COL6A1: variants seen among roughly 807,000 people sequenced by gnomAD.
COL6A1 encodes collagen alpha-1(VI) chain.
In COL6A1, 80 loss-of-function variants were observed where a neutral mutation model predicts 145.6. The ratio of observed to expected loss-of-function variants is 0.55; its 90% CI spans 0.46 to 0.66. The LOEUF (loss-of-function observed/expected upper bound fraction) is 0.66, where lower values mean the gene tolerates loss of function less well. COL6A1 is among the 30% of genes least tolerant of loss of function. The probability of loss-of-function intolerance (pLI) is 0.00; values close to 1 mark genes in which losing one functional copy is unlikely to be tolerated. For synonymous variants in COL6A1, 638 were observed against 622.8 expected (o/e 1.02, Z -0.36); for missense variants, 1,364 against 1,473.8 (o/e 0.93, Z 1.22).
In COL6A1 at chr21:46,003,903, G is replaced by A. The variant is rs762284105; in HGVS notation, c.2977G>A (p.Glu993Lys). The part of the protein sequence containing the change: ...IRVLVTGKTA[E>K]YDVAYGESHL... ...CGTCCTGGTCACCGGCAAGACGGCCGAGTACGACGTGGCCTACGGCGAGAG... is the reference window on the plus strand; with the variant it reads ...CGTCCTGGTCACCGGCAAGACGGCCAAGTACGACGTGGCCTACGGCGAGAG... The change falls in exon 35 of 35, where the codon GAG becomes AAG. Residue 993 changes from glutamate (E) to lysine (K), a missense_variant. Glu to Lys is a moderately conservative substitution (Grantham distance 56). Around this residue, in one of 3 missense-constraint regions of COL6A1, gnomAD observed 938 missense variants for 1,003.8 expected, o/e 0.93. Coordinates refer to ENST00000361866, the MANE Select transcript of COL6A1 (RefSeq NM_001848.3). The A allele has an allele frequency of 5.6e-6, 9 of 1,603,848 alleles. No individual in the cohort carries two copies. Among genetic ancestry groups the A allele is most frequent in the East Asian group, 4.5e-5 (2 of 44,608 alleles).
chr21:45,985,556 T>C (rs1218524677), intron 3 of COL6A1, among the ~76,000 whole-genome samples: 1 of 152,214 alleles, frequency 6.6e-6, no homozygotes, highest in Admixed American at 6.5e-5. Flanking sequence ...GGGGTTTTTC[T>C]GGACTGAGGG....
rs1195024600 is a variant in COL6A1, at chr21:46,004,886, C to G, written c.*873C>G. 2 of 169,066 alleles carry G rather than the reference C, an allele frequency of 1.2e-5. No homozygotes were observed. Among genetic ancestry groups the G allele is most frequent in the African/African-American group, 4.8e-5 (2 of 41,986 alleles). The allele number at this position is 169,066 out of a possible 1,614,324, so 10.5% of individuals were successfully genotyped here. On this transcript the variant is annotated 3_prime_UTR_variant, in exon 35 of 35. Transcript: ENST00000361866. ...CCCTTGGTGCCACAGAGGGCTGTGTCTTACTAGAAACAACGCAAACCTCTC... is the reference window on the plus strand; with the variant it reads ...CCCTTGGTGCCACAGAGGGCTGTGTGTTACTAGAAACAACGCAAACCTCTC...
Position 45,990,459 on chromosome 21 carries a change from AGGAGGAATGGGGCGAGATGG to A in COL6A1, c.1002+43_1002+62del, listed in dbSNP as rs1569518229. 80 of 188,896 alleles carry A rather than the reference AGGAGGAATGGGGCGAGATGG, an allele frequency of 4.2e-4. 3 individuals are homozygous for A. Among genetic ancestry groups the A allele is most frequent in the Non-Finnish European group, 5.3e-4 (66 of 125,506 alleles). The allele number at this position is 188,896 out of a possible 1,614,324, so 11.7% of individuals were successfully genotyped here. On this transcript the variant is annotated intron_variant, in intron 13 of 34. Coordinates refer to ENST00000361866, the MANE Select transcript of COL6A1 (RefSeq NM_001848.3). ...GAGATAGGATGGACGGGGAGGGACG[AGGAGGAATGGGGCGAGATGG>A]GGAGGGACGGAGTGGACGGCGTGAA...
chr21:45,998,694 G>A (rs377763400), intron 24 of COL6A1, among the ~76,000 whole-genome samples: 85 of 152,320 alleles, frequency 5.6e-4, no homozygotes, highest in African/African-American at 1.9e-3. Context: ...CCCTCGGTGC[G>A]CAGGGCAGGC....
chr21:45,989,148 G>C lies in COL6A1; in HGVS notation c.858+11G>C. 1.3e-6 allele frequency: 2 copies of C among 1,594,962 alleles called. No individual in the cohort carries two copies. Among genetic ancestry groups the C allele is most frequent in the Non-Finnish European group, 1.7e-6 (2 of 1,173,224 alleles). On this transcript the variant is annotated intron_variant, in intron 9 of 34. Coordinates refer to ENST00000361866, the MANE Select transcript of COL6A1 (RefSeq NM_001848.3). ...GAAGCCGGAGATCCTGTGAGTGCCT[G>C]ACTGTGGGGTGGGGGCCCTAAGAAG...
In COL6A1 at chr21:45,982,879, T is replaced by C. The variant is rs879131592; in HGVS notation, c.227+116T>C. 12 of 1,474,174 alleles carry C rather than the reference T, an allele frequency of 8.1e-6. No individual in the cohort carries two copies. The South Asian group carries it at 1.3e-4, about 15-fold the overall frequency. 91.3% of individuals were successfully genotyped at this position (1,474,174 alleles called of 1,614,324 possible). A position where few individuals can be genotyped will look rare whatever the true frequency, so the allele number is the denominator to read the frequency against. On this transcript the variant is annotated intron_variant, in intron 2 of 34. Transcript: ENST00000361866. ...TCAACCTCCTAAGGTTGGGCGAGCG[T>C]TGCCCTGACCGGGGCCCCTCCCGGC...
At position 46,002,259 on chromosome 21, in the gene COL6A1, C is replaced by T. The variant is rs200083690; in HGVS notation, c.2108C>T (p.Thr703Met). The T allele has an allele frequency of 5.6e-6, 9 of 1,602,190 alleles. No individual in the cohort carries two copies. The highest frequency in any genetic ancestry group is 2.2e-5 in the East Asian group (1 of 44,448). Residue 703 changes from threonine (T) to methionine (M), a missense_variant, in exon 32 of 35, where the codon ACG (threonine) becomes ATG (methionine). This residue lies in a region of COL6A1 where 938 missense variants were observed against 1,003.8 expected (regional missense o/e 0.93). Coordinates refer to ENST00000361866, the MANE Select transcript of COL6A1 (RefSeq NM_001848.3). The stretch of plus-strand genomic sequence containing the variant: ...CAGTGGATGGCGGGCGGCACCTTCA[C>T]GGGGGAGGCCCTGCAGTACACGCGG... Reference protein sequence around the residue: ...SLQWMAGGTFTGEALQYTRDQ... With the variant: ...SLQWMAGGTFMGEALQYTRDQ...
At chr21:46,000,911 T>G in intron 29 of COL6A1, 144 bp downstream of exon 29, 2 of 1,067,920 alleles carry the variant, frequency 1.9e-6, no homozygotes, top group African/African-American at 1.6e-5. Context: ...CTCTGGGGCC[T>G]GCTCCAAGCC....
intron 22 of COL6A1, 144 bp downstream of exon 22, chr21:45,997,906 GGC>G: frequency 8.9e-7 from 1 of 1,125,864 alleles, no homozygotes; most frequent in Non-Finnish European, 1.3e-6. Flanking sequence ...GGCCACAGTC[GGC>G]ACCTGAGCCA....
intron 3 of COL6A1, among the ~76,000 whole-genome samples, chr21:45,986,194 C>T (rs1044757156): frequency 1.9e-4 from 29 of 152,166 alleles, no homozygotes; most frequent in African/African-American, 7.0e-4. Context: ...GCGGGCATCT[C>T]GGAGGGGCAC....
Position 45,984,352 on chromosome 21 carries a change from C to G in COL6A1, c.311C>G (p.Thr104Arg), listed in dbSNP as rs781396484. 1.9e-6 allele frequency: 3 copies of G among 1,612,480 alleles called. No homozygotes were observed. Among genetic ancestry groups the G allele is most frequent in the South Asian group, 2.2e-5 (2 of 91,056 alleles). Reference protein sequence around the residue: ...SDEVEIIQGLTRMPGGRDALK... With the variant: ...SDEVEIIQGLRRMPGGRDALK... ...GAGGTGGAGATCATCCAAGGCCTCACGCGCATGCCTGGCGGCCGCGACGCA... is the reference window on the plus strand; with the variant it reads ...GAGGTGGAGATCATCCAAGGCCTCAGGCGCATGCCTGGCGGCCGCGACGCA... Residue 104 changes from threonine (T) to arginine (R), a missense_variant, in exon 3 of 35, where the codon ACG (threonine) becomes AGG (arginine). Transcript: ENST00000361866.
In COL6A1 at chr21:45,986,908, C is replaced by T. The variant is rs757227732; in HGVS notation, c.589-36C>T. On this transcript the variant is annotated intron_variant, in intron 4 of 34. Transcript: ENST00000361866. The stretch of plus-strand genomic sequence containing the variant: ...AAGCGGCCCCGGCCGTCAGGGGTCC[C>T]AGCCCTGCTCAGCCCACCCTGAACA... 14 of 1,538,812 alleles carry T rather than the reference C, an allele frequency of 9.1e-6. No individual in the cohort carries two copies. In the South Asian group the frequency reaches 1.7e-4, roughly 18 times the overall value.
intron 20 of COL6A1, among the ~76,000 whole-genome samples, chr21:45,997,068 A>G (rs1419395410): frequency 6.6e-6 from 1 of 150,470 alleles, no homozygotes; most frequent in African/African-American, 2.5e-5. Flanking sequence ...GACCTGAGGC[A>G]CCAGCCGGGC....
intron 24 of COL6A1, 111 bp from the exon 25 acceptor site, chr21:45,998,786 G>C: frequency 1.6e-6 from 2 of 1,255,550 alleles, no homozygotes; most frequent in South Asian, 2.6e-5. Context: ...TGTGGTGGGG[G>C]AAGGGAAGAG....
intron 3 of COL6A1, among the ~76,000 whole-genome samples, chr21:45,985,079 CAG>C (rs2077730948): frequency 1.4e-5 from 2 of 148,078 alleles, no homozygotes; most frequent in African/African-American, 5.0e-5. Context: ...GAGACAGAGA[CAG>C]AAACAGAGAC....
intron 24 of COL6A1, 45 bp downstream of exon 24, chr21:45,998,478 T>G (rs770728748): frequency 6.2e-7 from 1 of 1,612,162 alleles, no homozygotes; most frequent in South Asian, 1.1e-5. Context: ...ACACAAACAT[T>G]CACAGTCACA....
At chr21:45,986,828 C>T (rs1274855544) in intron 4 of COL6A1, 116 bp from the exon 5 acceptor site, 2 of 1,523,630 alleles carry the variant, frequency 1.3e-6, no homozygotes, top group East Asian at 2.5e-5. Context: ...AGGCCAGCCC[C>T]TCCTGCTGAG....
intron 15 of COL6A1, among the ~76,000 whole-genome samples, chr21:45,991,660 C>T (rs985716749): frequency 2.6e-5 from 4 of 152,184 alleles, no homozygotes; most frequent in African/African-American, 4.8e-5. Flanking sequence ...ACCCAGCAGA[C>T]GGTTTCCAAA....
At position 45,990,733 on chromosome 21, in the gene COL6A1, A is replaced by G. The variant is rs768325160; in HGVS notation, c.1003-40A>G. ...ACAGTTGATTGGCCTCAGTTTACCCACTTGGCCGTCAGATTTTCTAGTTTT... is the reference window on the plus strand; with the variant it reads ...ACAGTTGATTGGCCTCAGTTTACCCGCTTGGCCGTCAGATTTTCTAGTTTT... On this transcript the variant is annotated intron_variant, in intron 13 of 34. Transcript: ENST00000361866. The G allele has an allele frequency of 2.5e-6, 4 of 1,591,486 alleles. No individual in the cohort carries two copies. In the East Asian group the frequency reaches 8.9e-5, roughly 36 times the overall value.
Sources: gnomAD v4.1 joint callset for allele counts (sites outside exome capture counted in the v4.1 genomes callset) on GRCh38, gnomAD v4.1.1 for gene constraint, gnomAD v4.1.1 regional missense constraint, MANE v1.5 for transcripts, NCBI Gene and HGNC (gene_info 2026-07-23, HGNC 2026-07-21) for gene names.